NCOA2: variants seen among roughly 807,000 people sequenced by gnomAD.
NCOA2 encodes the protein nuclear receptor coactivator 2, also known as class E basic helix-loop-helix protein 75.
A neutral mutation model predicts 145.1 loss-of-function variants in NCOA2; 21 were observed. That is an observed-to-expected ratio of 0.14 (90% CI 0.10 to 0.21). The LOEUF (loss-of-function observed/expected upper bound fraction) is 0.21, where lower values mean the gene tolerates loss of function less well. Among genes scored for constraint, NCOA2 ranks in the 10% least tolerant of loss-of-function variants. The pLI is 1.00. For synonymous variants in NCOA2, 619 were observed against 637.5 expected, an observed-to-expected ratio of 0.97 and a Z score of 0.44; for missense variants, 1,472 against 1,837.6, an observed-to-expected ratio of 0.80 and a Z score of 3.64.
intron 2 of NCOA2, among the ~76,000 whole-genome samples, chr8:70,278,258 C>T (rs941251558): frequency 1.3e-5 from 2 of 152,168 alleles, no homozygotes; most frequent in Admixed American, 1.3e-4. Context: ...TTTTTATTGC[C>T]AAATAATATT....
chr8:70,325,666 G>A (rs1043107370), intron 1 of NCOA2, among the ~76,000 whole-genome samples: 3 of 152,158 alleles, frequency 2.0e-5, no homozygotes, highest in African/African-American at 7.2e-5. Context: ...GCCTCCCAAA[G>A]TTCTGGGATT....
At chr8:70,421,430 C>T in the NCOA2 span, among the ~76,000 whole-genome samples, 17 of 152,024 alleles carry the variant, frequency 1.1e-4, no homozygotes, top group Middle Eastern at 3.4e-3. Flanking sequence ...TGGTAGCATG[C>T]GCCTCTAGTC....
At chr8:70,242,551 A>G (rs931751744) in intron 2 of NCOA2, among the ~76,000 whole-genome samples, 1 of 152,128 alleles carries the variant, frequency 6.6e-6, no homozygotes, top group Non-Finnish European at 1.5e-5. Context: ...AACTGATTCT[A>G]AACCTTTTTC....
intron 1 of NCOA2, among the ~76,000 whole-genome samples, chr8:70,382,277 A>C (rs1485621038): frequency 1.3e-5 from 2 of 152,040 alleles, no homozygotes. Context: ...GGCCAGGAGG[A>C]GGCCCACCTG....
chr8:70,157,856 CA>C (rs1222375480), intron 10 of NCOA2, among the ~76,000 whole-genome samples: 1 of 152,196 alleles, frequency 6.6e-6, no homozygotes, highest in Non-Finnish European at 1.5e-5. Context: ...CAAGTCAGAG[CA>C]AGACCTCAGA....
intron 2 of NCOA2, among the ~76,000 whole-genome samples, chr8:70,221,297 C>T (rs1241904199): frequency 1.3e-5 from 2 of 152,120 alleles, no homozygotes; most frequent in Non-Finnish European, 2.9e-5. Context: ...TCTTTTAGAG[C>T]CCACTGTTTC....
intron 1 of NCOA2, among the ~76,000 whole-genome samples, chr8:70,299,542 C>A (rs1827335222): frequency 6.6e-6 from 1 of 152,002 alleles, no homozygotes; most frequent in Non-Finnish European, 1.5e-5. Flanking sequence ...TGCAACTCAC[C>A]ATGAGATATA....
At chr8:70,237,751 C>G (rs1048466204) in intron 2 of NCOA2, among the ~76,000 whole-genome samples, 4 of 152,042 alleles carry the variant, frequency 2.6e-5, no homozygotes, top group Non-Finnish European at 4.4e-5. Context: ...GCCTGGGCAA[C>G]AGAGCAACAC....
At chr8:70,292,427 G>T (rs1826766542) in intron 2 of NCOA2, among the ~76,000 whole-genome samples, 1 of 151,886 alleles carries the variant, frequency 6.6e-6, no homozygotes, top group South Asian at 2.1e-4. Context: ...TGGGATTACA[G>T]GTGTGAGCCA....
chr8:70,306,180 G>A (rs1321326461), intron 1 of NCOA2, among the ~76,000 whole-genome samples: 20 of 152,234 alleles, frequency 1.3e-4, no homozygotes, highest in Non-Finnish European at 4.4e-5. Flanking sequence ...TTGAGATCTA[G>A]AGCAAACTTA....
chr8:70,252,445 G>T (rs2926707), intron 2 of NCOA2, among the ~76,000 whole-genome samples: 80,800 of 152,008 alleles, frequency 0.53, 25,500 homozygotes, highest in Non-Finnish European at 0.71. Context: ...AACGTTAGAG[G>T]GAATGGAACT....
chr8:70,206,303 TGTGA>T (rs1818435246), intron 4 of NCOA2, among the ~76,000 whole-genome samples: 1 of 152,062 alleles, frequency 6.6e-6, no homozygotes, highest in South Asian at 2.1e-4. Flanking sequence ...GCTCTGTCAT[TGTGA>T]GTCTCTCTCA....
intron 4 of NCOA2, among the ~76,000 whole-genome samples, chr8:70,191,003 T>G (rs770814364): frequency 1.3e-5 from 2 of 152,180 alleles, no homozygotes; most frequent in Non-Finnish European, 2.9e-5. Flanking sequence ...GCAAGAAAAC[T>G]AATTGAGAAG....
chr8:70,249,077 A>T (rs540222760), intron 2 of NCOA2, among the ~76,000 whole-genome samples: 19 of 152,170 alleles, frequency 1.2e-4, no homozygotes, highest in African/African-American at 4.6e-4. Flanking sequence ...TTTTACCTCT[A>T]TGATTAGTTT....
At chr8:70,419,885 T>A in the NCOA2 span, among the ~76,000 whole-genome samples, 1 of 152,248 alleles carries the variant, frequency 6.6e-6, no homozygotes, top group Admixed American at 6.5e-5. Context: ...ACGACAGTTT[T>A]TAAACTTGAT....
chr8:70,304,304 G>A (rs899256654), intron 1 of NCOA2, among the ~76,000 whole-genome samples: 33 of 152,232 alleles, frequency 2.2e-4, no homozygotes, highest in African/African-American at 7.7e-4. Context: ...ACTGCCCACA[G>A]TATTCAGTAT....
At chr8:70,231,249 T>G (rs1563655675) in intron 2 of NCOA2, among the ~76,000 whole-genome samples, 1 of 152,370 alleles carries the variant, frequency 6.6e-6, no homozygotes, top group South Asian at 2.1e-4. Flanking sequence ...TTTGCTAATT[T>G]AAAGATTATG....
At chr8:70,304,974 G>A (rs1827778562) in intron 1 of NCOA2, among the ~76,000 whole-genome samples, 5 of 150,072 alleles carry the variant, frequency 3.3e-5, no homozygotes, top group African/African-American at 7.4e-5. Context: ...TACCCATGTC[G>A]GCCTCCTGAG....
At chr8:70,434,216 G>A in the NCOA2 span, among the ~76,000 whole-genome samples, 1 of 152,068 alleles carries the variant, frequency 6.6e-6, no homozygotes, top group Admixed American at 6.6e-5. Flanking sequence ...GATTGTCTTC[G>A]GTCATCGGAA....
Sources: allele counts gnomAD v4.1 joint callset (sites outside exome capture counted in the v4.1 genomes callset), GRCh38; gene constraint gnomAD v4.1.1; transcripts MANE v1.5; gene names NCBI Gene and HGNC (gene_info 2026-07-23, HGNC 2026-07-21).